OR4N2: variants seen among roughly 807,000 people sequenced by gnomAD.
The protein encoded by OR4N2 is olfactory receptor 4N2.
For synonymous variants in OR4N2, 141 were observed against 140.4 expected, an observed-to-expected ratio of 1.00 and a Z score of -0.03; for missense variants, 307 against 377.6, an observed-to-expected ratio of 0.81 and a Z score of 1.55.
At chr14:19,825,685 A>G (rs1879678833) in intron 1 of OR4N2, among the ~76,000 whole-genome samples, 1 of 152,138 alleles carries the variant, frequency 6.6e-6, no homozygotes, top group Non-Finnish European at 1.5e-5. Flanking sequence ...CCTCCTGAGT[A>G]GCTGGGACTA....
intron 1 of OR4N2, among the ~76,000 whole-genome samples, chr14:19,805,367 G>T (rs1879137424): frequency 6.6e-6 from 1 of 152,164 alleles, no homozygotes; most frequent in African/African-American, 2.4e-5. Context: ...CAGAAGAGCT[G>T]AAAGACAAAA....
At chr14:19,809,362 C>T (rs532598429) in intron 1 of OR4N2, among the ~76,000 whole-genome samples, 2 of 152,228 alleles carry the variant, frequency 1.3e-5, no homozygotes, top group South Asian at 4.2e-4. Context: ...CAAGTCGGGC[C>T]TAATTAAACA....
intron 1 of OR4N2, among the ~76,000 whole-genome samples, chr14:19,821,027 G>C (rs149266077): frequency 0.064 from 9,650 of 150,878 alleles, 92 homozygotes; most frequent in Middle Eastern, 0.11. Flanking sequence ...TGGCTGCCTA[G>C]TTTTGTGCTT....
At chr14:19,814,365 AT>A (rs1354568486) in intron 1 of OR4N2, among the ~76,000 whole-genome samples, 1 of 152,142 alleles carries the variant, frequency 6.6e-6, no homozygotes, top group Non-Finnish European at 1.5e-5. Flanking sequence ...CCAAGAAACT[AT>A]TTTCTCTAAG....
chr14:19,807,430 TACTC>T (rs1379194916), intron 1 of OR4N2, among the ~76,000 whole-genome samples: 1 of 151,944 alleles, frequency 6.6e-6, no homozygotes, highest in Non-Finnish European at 1.5e-5. Flanking sequence ...ATACAAAAGA[TACTC>T]AAAGAATACT....
At chr14:19,811,537 T>C (rs543781046) in intron 1 of OR4N2, among the ~76,000 whole-genome samples, 4 of 152,386 alleles carry the variant, frequency 2.6e-5, no homozygotes, top group African/African-American at 7.2e-5. Context: ...TGAGCCACCC[T>C]GCCTGGCTAC....
At chr14:19,814,173 G>T (rs1174709759) in intron 1 of OR4N2, among the ~76,000 whole-genome samples, 2 of 152,156 alleles carry the variant, frequency 1.3e-5, no homozygotes, top group East Asian at 3.9e-4. Context: ...AAATAAATTT[G>T]TATTTATTTT....
intron 1 of OR4N2, among the ~76,000 whole-genome samples, chr14:19,819,662 A>G (rs1470643824): frequency 6.6e-6 from 1 of 152,200 alleles, no homozygotes; most frequent in Non-Finnish European, 1.5e-5. Context: ...GTTTGTTACT[A>G]CCCTTCTTTG....
intron 1 of OR4N2, among the ~76,000 whole-genome samples, chr14:19,817,380 G>A (rs1365063037): frequency 3.9e-5 from 6 of 152,306 alleles, no homozygotes; most frequent in Admixed American, 3.3e-4. Context: ...CTTGTTATTT[G>A]TCTATTCAGG....
At chr14:19,804,949 C>A (rs767572695) in intron 1 of OR4N2, among the ~76,000 whole-genome samples, 1 of 152,168 alleles carries the variant, frequency 6.6e-6, no homozygotes, top group African/African-American at 2.4e-5. Flanking sequence ...TCATGTAATA[C>A]CCTTCTTTGT....
chr14:19,829,535 A>C lies in OR4N2; in HGVS notation c.*1163A>C, dbSNP rs1879813342. 6.7e-6 allele frequency: 1 copy of C among 148,996 alleles called. No homozygotes were observed. The highest frequency in any genetic ancestry group is 1.5e-5 in the Non-Finnish European group (1 of 67,442). The allele number at this position is 148,996 out of a possible 1,614,324, so 9.2% of individuals were successfully genotyped here. A position where few individuals can be genotyped will look rare whatever the true frequency, so the allele number is the denominator to read the frequency against. On this transcript the variant is annotated 3_prime_UTR_variant, in exon 2 of 2. Transcript: ENST00000557677. ...TGTTGTCAGGGAAGTTGTTCTTGCT[A>C]CAATCTTAGCCATCTGTTTGTCTGA...
intron 1 of OR4N2, among the ~76,000 whole-genome samples, chr14:19,822,658 C>T (rs1879596087): frequency 6.6e-6 from 1 of 152,248 alleles, no homozygotes; most frequent in African/African-American, 2.4e-5. Context: ...TACTCAAAGA[C>T]ATTGACAAAA....
chr14:19,821,186 T>C (rs1594400025), intron 1 of OR4N2, among the ~76,000 whole-genome samples: 1 of 152,080 alleles, frequency 6.6e-6, no homozygotes, highest in Admixed American at 6.6e-5. Flanking sequence ...GGGGAGGGAG[T>C]TCCCTGAACC....
intron 1 of OR4N2, among the ~76,000 whole-genome samples, chr14:19,825,726 T>G (rs1284180631): frequency 6.6e-6 from 1 of 152,042 alleles, no homozygotes; most frequent in Non-Finnish European, 1.5e-5. Context: ...CAGCTAATTT[T>G]TTTGTATTTT....
rs28767171 is a variant in OR4N2, at chr14:19,819,821, C to T, written c.-9-7619C>T. ...CTGGTTTTTCCTCATCTTTATGGACCTATCTAACTTTGTTCTTTGATGTTG... is the reference window on the plus strand; with the variant it reads ...CTGGTTTTTCCTCATCTTTATGGACTTATCTAACTTTGTTCTTTGATGTTG... On this transcript the variant is annotated intron_variant, in intron 1 of 1. Coordinates refer to ENST00000557677, the MANE Select transcript of OR4N2 (RefSeq NM_001004723.3). Among the ~76,000 whole-genome samples the T allele has an allele frequency of 8.7e-3, 1,317 of 152,098 alleles. 5 individuals are homozygous for T. Among genetic ancestry groups the T allele is most frequent in the African/African-American group, 0.03 (1,244 of 41,328 alleles).
Position 19,828,141 on chromosome 14 carries a change from G to A in OR4N2, c.693G>A (p.Glu231=). The change falls in exon 2 of 2, where the codon GAG becomes GAA. Residue 231 remains glutamate, a synonymous_variant. Transcript: ENST00000557677. Reference sequence around the variant, plus strand: ...GTCGCATACGAGGGTCTTCTTCTGAGGCAAAAAACAAGGCCATGTCCACGT... The same window carrying A: ...GTCGCATACGAGGGTCTTCTTCTGAAGCAAAAAACAAGGCCATGTCCACGT... ...ILCRIRGSSS[E]AKNKAMSTCI... 1 of 1,614,148 alleles carries A rather than the reference G, an allele frequency of 6.2e-7. No homozygotes were observed.
At chr14:19,809,083 A>G (rs1274470713) in intron 1 of OR4N2, among the ~76,000 whole-genome samples, 4 of 152,144 alleles carry the variant, frequency 2.6e-5, no homozygotes, top group African/African-American at 4.8e-5. Context: ...GCCTAAGAAC[A>G]TTCAACCAAG....
At chr14:19,825,170 C>T (rs541797117) in intron 1 of OR4N2, among the ~76,000 whole-genome samples, 30 of 152,334 alleles carry the variant, frequency 2.0e-4, no homozygotes, top group Middle Eastern at 3.4e-3. Flanking sequence ...CGTGTGTGTT[C>T]ATGTGGTATT....
At chr14:19,810,885 T>C (rs1291435500) in intron 1 of OR4N2, among the ~76,000 whole-genome samples, 9 of 152,136 alleles carry the variant, frequency 5.9e-5, no homozygotes, top group Non-Finnish European at 1.0e-4. Flanking sequence ...GAAGGGATAA[T>C]AAGGGAATAT....
Sources: allele counts gnomAD v4.1 joint callset (sites outside exome capture counted in the v4.1 genomes callset), GRCh38; gene constraint gnomAD v4.1.1; transcripts MANE v1.5; gene names NCBI Gene and HGNC (gene_info 2026-07-23, HGNC 2026-07-21).